The following EXOC4 variants were observed in gnomAD, a reference collection of about 807,000 sequenced individuals.
EXOC4 encodes exocyst complex component 4, also known as SEC8-like 1.
EXOC4 carries 71 observed loss-of-function variants against 107.2 expected under a neutral mutation model. That is an observed-to-expected ratio of 0.66 (90% CI 0.55 to 0.81). The LOEUF (loss-of-function observed/expected upper bound fraction) is 0.81, where lower values mean the gene tolerates loss of function less well. Ranked by LOEUF, EXOC4 falls within the 30% of genes least tolerant of loss-of-function variation. The pLI, the probability that EXOC4 is intolerant of heterozygous loss-of-function variation, is 0.00. For missense variants in EXOC4, 1,108 were observed against 1,189.6 expected, an observed-to-expected ratio of 0.93 and a Z score of 1.01; for synonymous variants, 456 against 441.2, an observed-to-expected ratio of 1.03 and a Z score of -0.42.
Position 133,764,012 on chromosome 7 carries a change from G to C in EXOC4, c.1515-53313G>C, listed in dbSNP as rs559506035. On this transcript the variant is annotated intron_variant, in intron 10 of 17. Coordinates refer to ENST00000253861, the MANE Select transcript of EXOC4 (RefSeq NM_021807.4). ...CATGAAAGTTTTCTCTTTGGCCTCA[G>C]TAGAATTCTTTAACCTTGTGACTTT... 9.1e-4 allele frequency among the ~76,000 whole-genome samples: 139 copies of C among 152,180 alleles called. 1 individual carries two copies. The highest frequency in any genetic ancestry group is 2.5e-3 in the South Asian group (12 of 4,826).
intron 17 of EXOC4, among the ~76,000 whole-genome samples, chr7:134,018,945 T>G (rs1165733060): frequency 6.6e-6 from 1 of 152,206 alleles, no homozygotes; most frequent in Non-Finnish European, 1.5e-5. Flanking sequence ...TTGTTTGTTT[T>G]TTTGAGACTG....
At chr7:133,775,777 C>T (rs1402506916) in intron 10 of EXOC4, among the ~76,000 whole-genome samples, 3 of 152,150 alleles carry the variant, frequency 2.0e-5, no homozygotes, top group Non-Finnish European at 4.4e-5. Flanking sequence ...GGACTGATTT[C>T]GCACTTTCAG....
intron 2 of EXOC4, among the ~76,000 whole-genome samples, chr7:133,285,418 A>G (rs1415158941): frequency 6.6e-6 from 1 of 152,156 alleles, no homozygotes; most frequent in East Asian, 1.9e-4. Context: ...AAATATCTTT[A>G]TTCTTTCCTC....
intron 7 of EXOC4, among the ~76,000 whole-genome samples, chr7:133,449,437 C>T (rs1015032620): frequency 6.6e-6 from 1 of 152,148 alleles, no homozygotes; most frequent in Admixed American, 6.5e-5. Flanking sequence ...TCAAGAACAC[C>T]TATGTTCTGA....
intron 14 of EXOC4, among the ~76,000 whole-genome samples, chr7:133,978,653 G>A (rs1447009008): frequency 2.0e-5 from 3 of 152,216 alleles, no homozygotes; most frequent in Non-Finnish European, 2.9e-5. Context: ...TCTAGCTGCT[G>A]CCTTTCAGGA....
chr7:133,412,285 T>TTTTTG (rs1339498584), intron 7 of EXOC4, among the ~76,000 whole-genome samples: 2 of 145,100 alleles, frequency 1.4e-5, no homozygotes, highest in African/African-American at 5.1e-5. Flanking sequence ...TCAGTTTTTT[T>TTTTTG]TTTTTTTTTT....
chr7:133,565,872 C>A (rs909783541), intron 9 of EXOC4, among the ~76,000 whole-genome samples: 2 of 152,104 alleles, frequency 1.3e-5, no homozygotes, highest in Admixed American at 1.3e-4. Context: ...CTCTGGATAC[C>A]TGCAGCTGGA....
chr7:133,732,820 A>G (rs777808443), intron 10 of EXOC4: 2 of 168,598 alleles, frequency 1.2e-5, no homozygotes, highest in Admixed American at 6.2e-5. Flanking sequence ...GGTGCTGAGC[A>G]TAAGAAGTCT....
At chr7:133,846,933 G>A (rs772404830) in intron 11 of EXOC4, among the ~76,000 whole-genome samples, 15 of 152,252 alleles carry the variant, frequency 9.9e-5, no homozygotes, top group African/African-American at 1.4e-4. Context: ...TAAAGTTCAC[G>A]GTAATAGCAC....
intron 17 of EXOC4, among the ~76,000 whole-genome samples, chr7:134,057,433 T>C (rs1240015615): frequency 6.6e-6 from 1 of 152,034 alleles, no homozygotes; most frequent in Non-Finnish European, 1.5e-5. Context: ...TGTCTGAAAA[T>C]TATTTAGCTT....
chr7:133,489,810 T>C lies in EXOC4; in HGVS notation c.1417+9672T>C, dbSNP rs377508389. On this transcript the variant is annotated intron_variant, in intron 9 of 17. Coordinates refer to ENST00000253861, the MANE Select transcript of EXOC4 (RefSeq NM_021807.4). Reference sequence around the variant, plus strand: ...AAAGGGACCATAAATGTGTCACTTATATGGTCACCTGCCTCCCAGCATTTG... The same window carrying C: ...AAAGGGACCATAAATGTGTCACTTACATGGTCACCTGCCTCCCAGCATTTG... 1.2e-4 allele frequency among the ~76,000 whole-genome samples: 19 copies of C among 152,322 alleles called. No individual in the cohort carries two copies. The East Asian group carries it at 3.1e-3, about 25-fold the overall frequency.
chr7:133,309,522 TTG>T (rs1292808361), intron 4 of EXOC4, among the ~76,000 whole-genome samples: 1 of 152,062 alleles, frequency 6.6e-6, no homozygotes, highest in Non-Finnish European at 1.5e-5. Flanking sequence ...AACAATAAAG[TTG>T]TAGGTAGTTT....
chr7:133,290,552 A>G (rs1794381439), intron 3 of EXOC4, among the ~76,000 whole-genome samples: 1 of 152,204 alleles, frequency 6.6e-6, no homozygotes, highest in Non-Finnish European at 1.5e-5. Flanking sequence ...CATCTATTTG[A>G]ATCATGATTT....
At chr7:134,058,671 A>AAGAC (rs3054621) in intron 17 of EXOC4, among the ~76,000 whole-genome samples, 105,595 of 151,802 alleles carry the variant, frequency 0.7, 37,962 homozygotes, top group African/African-American at 0.88. Flanking sequence ...ATTACAAAGA[A>AAGAC]AGAGCTGAGT....
intron 10 of EXOC4, among the ~76,000 whole-genome samples, chr7:133,765,290 C>T (rs1330086239): frequency 6.6e-6 from 1 of 151,978 alleles, no homozygotes; most frequent in Non-Finnish European, 1.5e-5. Flanking sequence ...TGATCCCTGC[C>T]TGCCTTTGGA....
intron 11 of EXOC4, among the ~76,000 whole-genome samples, chr7:133,882,006 C>T (rs558788969): frequency 6.6e-6 from 1 of 152,048 alleles, no homozygotes; most frequent in Admixed American, 6.5e-5. Flanking sequence ...ATCCTCCCCA[C>T]ACTGCTCTAA....
Position 133,625,049 on chromosome 7 carries a change from A to G in EXOC4, c.1418-4996A>G, listed in dbSNP as rs150662754. Among the ~76,000 whole-genome samples the G allele has an allele frequency of 1.3e-3, 195 of 152,336 alleles. 1 individual carries two copies. The highest frequency in any genetic ancestry group is 4.5e-3 in the African/African-American group (187 of 41,572). ...GCAAATTTCTAAATCTTTCACTTAC[A>G]GTAATATTTCCACAAAAATAAGGCA... On this transcript the variant is annotated intron_variant, in intron 9 of 17. Coordinates refer to ENST00000253861, the MANE Select transcript of EXOC4 (RefSeq NM_021807.4).
intron 7 of EXOC4, among the ~76,000 whole-genome samples, chr7:133,430,223 A>C (rs936242893): frequency 6.6e-6 from 1 of 152,192 alleles, no homozygotes; most frequent in South Asian, 2.1e-4. Flanking sequence ...TCCTTTCGAC[A>C]TTCAGTTGCT....
intron 17 of EXOC4, 122 bp downstream of exon 17, chr7:134,007,957 CAG>C: frequency 1.1e-6 from 1 of 900,596 alleles, no homozygotes; most frequent in Non-Finnish European, 1.6e-6. Flanking sequence ...GAAAGAAGCA[CAG>C]ATAGATGTTT....
Sources: allele counts gnomAD v4.1 joint callset (sites outside exome capture counted in the v4.1 genomes callset), GRCh38; gene constraint gnomAD v4.1.1; transcripts MANE v1.5; gene names NCBI Gene and HGNC (gene_info 2026-07-23, HGNC 2026-07-21).